EGFR: variants seen among roughly 807,000 people sequenced by gnomAD.
EGFR encodes the protein avian erythroblastic leukemia viral (v-erb-b) oncogene homolog.
EGFR carries 58 observed loss-of-function variants against 143.0 expected under a neutral mutation model. The ratio of observed to expected loss-of-function variants is 0.41; its 90% CI spans 0.33 to 0.50. The LOEUF (loss-of-function observed/expected upper bound fraction) is 0.50. Ranked by LOEUF, EGFR falls within the 20% of genes least tolerant of loss-of-function variation. The pLI, the probability that EGFR is intolerant of heterozygous loss-of-function variation, is 0.39. For synonymous variants in EGFR, 613 were observed against 594.4 expected (o/e 1.03, Z -0.45); for missense variants, 1,307 against 1,579.0 (o/e 0.83, Z 2.92).
rs77260051 is a variant in EGFR, at chr7:55,100,841, C to T, written c.89-41445C>T. Reference sequence around the variant, plus strand: ...GCGGGGCCCTGAAGTCAATTGAACACTTGGATGACAGGGAACTTGCCACTG... The same window carrying T: ...GCGGGGCCCTGAAGTCAATTGAACATTTGGATGACAGGGAACTTGCCACTG... On this transcript the variant is annotated intron_variant, in intron 1 of 27. Coordinates refer to ENST00000275493, the MANE Select transcript of EGFR (RefSeq NM_005228.5). Among the ~76,000 whole-genome samples the T allele has an allele frequency of 2.1e-3, 324 of 152,380 alleles. 1 individual carries two copies. Among genetic ancestry groups the T allele is most frequent in the African/African-American group, 5.1e-3 (211 of 41,600 alleles).
intron 15 of EGFR, chr7:55,170,180 G>T: frequency 6.5e-7 from 1 of 1,538,544 alleles, no homozygotes; most frequent in Non-Finnish European, 8.8e-7. Flanking sequence ...CCCAAATTAA[G>T]AAGAGCAGTG....
At chr7:55,203,409 TACACACA>T (rs1177929331) in intron 27 of EGFR, among the ~76,000 whole-genome samples, 1 of 113,792 alleles carries the variant, frequency 8.8e-6, no homozygotes, top group Non-Finnish European at 1.7e-5. Context: ...CACACACACG[TACACACA>T]ACACACAACA....
At chr7:55,094,641 C>T (rs1791334704) in intron 1 of EGFR, among the ~76,000 whole-genome samples, 1 of 152,228 alleles carries the variant, frequency 6.6e-6, no homozygotes, top group Non-Finnish European at 1.5e-5. Flanking sequence ...TCTAACTTCT[C>T]CTTTCACATA....
intron 20 of EGFR, among the ~76,000 whole-genome samples, chr7:55,186,872 C>T (rs1787161148): frequency 6.6e-6 from 1 of 152,206 alleles, no homozygotes; most frequent in African/African-American, 2.4e-5. Context: ...GGAGGGTGAG[C>T]TCCAAGTTTG....
chr7:55,181,072 C>T (rs1584237450), intron 19 of EGFR: 3 of 612,598 alleles, frequency 4.9e-6, no homozygotes, highest in South Asian at 1.9e-5. Context: ...GGGGAATCCC[C>T]AGATGCACCC....
intron 20 of EGFR, 179 bp downstream of exon 20, chr7:55,181,657 C>G (rs1442191218): frequency 1.4e-6 from 1 of 727,656 alleles, no homozygotes; most frequent in African/African-American, 1.8e-5. Context: ...CAAATCAGTG[C>G]CTGTCCCATC....
Position 55,207,254 on chromosome 7 carries a change from G to T in EGFR, c.*1637G>T, listed in dbSNP as rs1788131065. 1 of 232,834 alleles carries T rather than the reference G, an allele frequency of 4.3e-6. No homozygotes were observed. The highest frequency in any genetic ancestry group is 8.5e-6 in the Non-Finnish European group (1 of 117,946). The allele number at this position is 232,834 out of a possible 1,614,324, so 14.4% of individuals were successfully genotyped here. ...CTTTTAAAGTAATTTTTGACTCCCA[G>T]ATCAGTCAGAGCCCCTACAGCATTG... On this transcript the variant is annotated 3_prime_UTR_variant, in exon 28 of 28. Coordinates refer to ENST00000275493, the MANE Select transcript of EGFR (RefSeq NM_005228.5).
At chr7:55,140,270 A>G (rs1255285961) in intron 1 of EGFR, among the ~76,000 whole-genome samples, 1 of 152,140 alleles carries the variant, frequency 6.6e-6, no homozygotes, top group African/African-American at 2.4e-5. Context: ...ATTTAAAATG[A>G]AAGCAGCTGC....
chr7:55,089,231 G>T (rs1193688057), intron 1 of EGFR, among the ~76,000 whole-genome samples: 1 of 151,900 alleles, frequency 6.6e-6, no homozygotes, highest in Non-Finnish European at 1.5e-5. Flanking sequence ...GCATGTAATG[G>T]CTCCCTCATC....
In EGFR at chr7:55,155,900, A is replaced by G. The variant is rs760984499; in HGVS notation, c.960A>G (p.Glu320=). The G allele has an allele frequency of 1.9e-6, 3 of 1,613,986 alleles. No homozygotes were observed. In the African/African-American group the frequency reaches 4.0e-5, roughly 22 times the overall value. ...GGGCCGACAGCTATGAGATGGAGGAAGACGGCGTCCGCAAGTGTAAGAAGT... is the reference window on the plus strand; with the variant it reads ...GGGCCGACAGCTATGAGATGGAGGAGGACGGCGTCCGCAAGTGTAAGAAGT... ...ACGADSYEME[E]DGVRKCKKCE... Residue 320 remains glutamate, a synonymous_variant, in exon 8 of 28, where the codon GAA becomes GAG. Coordinates refer to ENST00000275493, the MANE Select transcript of EGFR (RefSeq NM_005228.5).
intron 22 of EGFR, among the ~76,000 whole-genome samples, chr7:55,197,215 G>A (rs1199748769): frequency 6.6e-6 from 1 of 152,130 alleles, no homozygotes; most frequent in Non-Finnish European, 1.5e-5. Context: ...TTATTGTAGA[G>A]ATCTTTCACT....
chr7:55,088,268 G>A (rs956775946), intron 1 of EGFR, among the ~76,000 whole-genome samples: 5 of 152,314 alleles, frequency 3.3e-5, no homozygotes, highest in Middle Eastern at 3.4e-3. Flanking sequence ...AGGTAGGAGC[G>A]GATGGGGGAG....
chr7:55,157,452 G>C (rs1785484659), intron 10 of EGFR, among the ~76,000 whole-genome samples: 1 of 152,242 alleles, frequency 6.6e-6, no homozygotes, highest in South Asian at 2.1e-4. Context: ...GAATCGCAGC[G>C]GAAGGCGGGA....
chr7:55,116,913 TA>T (rs1440651398), intron 1 of EGFR, among the ~76,000 whole-genome samples: 2 of 152,350 alleles, frequency 1.3e-5, no homozygotes, highest in Admixed American at 1.3e-4. Flanking sequence ...CCAATGGACA[TA>T]TGGGTTCTTT....
chr7:55,019,957 C>T (rs1479837123), intron 1 of EGFR, among the ~76,000 whole-genome samples: 1 of 152,238 alleles, frequency 6.6e-6, no homozygotes, highest in Non-Finnish European at 1.5e-5. Context: ...AAACTGAAGC[C>T]GGCGCCCGCC....
At chr7:55,185,133 T>C (rs1445360958) in intron 20 of EGFR, among the ~76,000 whole-genome samples, 4 of 152,050 alleles carry the variant, frequency 2.6e-5, no homozygotes, top group African/African-American at 4.8e-5. Context: ...CATAAAATTA[T>C]ATCAACTAGA....
intron 1 of EGFR, among the ~76,000 whole-genome samples, chr7:55,080,318 T>C (rs1394025247): frequency 6.6e-6 from 1 of 151,800 alleles, no homozygotes; most frequent in Non-Finnish European, 1.5e-5. Context: ...TTTTAGTAAC[T>C]GCCAGTCACT....
chr7:55,076,079 T>C (rs529372398), intron 1 of EGFR, among the ~76,000 whole-genome samples: 1 of 152,350 alleles, frequency 6.6e-6, no homozygotes, highest in Admixed American at 6.5e-5. Flanking sequence ...CATTTGGTAT[T>C]AAAGCATCTC....
intron 1 of EGFR, among the ~76,000 whole-genome samples, chr7:55,032,748 A>G (rs559394214): frequency 6.6e-6 from 1 of 152,188 alleles, no homozygotes; most frequent in Non-Finnish European, 1.5e-5. Context: ...CTAACAAATC[A>G]GTGTCCCTTT....
Sources: gnomAD v4.1 joint callset for allele counts (sites outside exome capture counted in the v4.1 genomes callset) on GRCh38, gnomAD v4.1.1 for gene constraint, MANE v1.5 for transcripts, NCBI Gene and HGNC (gene_info 2026-07-23, HGNC 2026-07-21) for gene names.